SDC2: variants seen among roughly 807,000 people sequenced by gnomAD.
SDC2 encodes the protein syndecan-2.
Under a neutral mutation model 22.2 loss-of-function variants are expected in SDC2, and 13 were observed. The ratio of observed to expected loss-of-function variants is 0.59; its 90% CI spans 0.38 to 0.93. The LOEUF (loss-of-function observed/expected upper bound fraction) is 0.93, where lower values mean the gene tolerates loss of function less well. Among genes scored for constraint, SDC2 ranks in the 40% least tolerant of loss-of-function variants. The pLI, the probability that SDC2 is intolerant of heterozygous loss-of-function variation, is 0.00. For synonymous variants in SDC2, 94 were observed against 92.8 expected, an observed-to-expected ratio of 1.01 and a Z score of -0.07; for missense variants, 235 against 246.8, an observed-to-expected ratio of 0.95 and a Z score of 0.32.
At chr8:96,571,326 C>T (rs1442521745) in intron 1 of SDC2, among the ~76,000 whole-genome samples, 2 of 151,978 alleles carry the variant, frequency 1.3e-5, no homozygotes, top group African/African-American at 2.4e-5. Flanking sequence ...CTGCAAAGGC[C>T]CTGGAGTGGG....
intron 1 of SDC2, among the ~76,000 whole-genome samples, chr8:96,520,728 AGAG>A (rs549528046): frequency 2.0e-5 from 3 of 152,210 alleles, no homozygotes; most frequent in Non-Finnish European, 4.4e-5. Context: ...TGTGAGAGAA[AGAG>A]GAGGTCTGAT....
chr8:96,508,111 A>G (rs1044827331), intron 1 of SDC2, among the ~76,000 whole-genome samples: 2 of 152,170 alleles, frequency 1.3e-5, no homozygotes, highest in Admixed American at 6.5e-5. Context: ...CTTGGCTAAC[A>G]CAGTGAAACG....
intron 1 of SDC2, among the ~76,000 whole-genome samples, chr8:96,540,820 G>A (rs749146676): frequency 1.2e-4 from 19 of 152,196 alleles, no homozygotes; most frequent in Non-Finnish European, 1.5e-4. Context: ...GCTGATAAGA[G>A]CAAGGAAGTT....
At chr8:96,583,859 CTAATA>C (rs1472748447) in intron 1 of SDC2, among the ~76,000 whole-genome samples, 2 of 152,058 alleles carry the variant, frequency 1.3e-5, no homozygotes, top group African/African-American at 4.8e-5. Flanking sequence ...GTTGAGAAAA[CTAATA>C]TATCATGCAT....
At chr8:96,524,727 C>T (rs1290732416) in intron 1 of SDC2, among the ~76,000 whole-genome samples, 1 of 152,166 alleles carries the variant, frequency 6.6e-6, no homozygotes, top group African/African-American at 2.4e-5. Flanking sequence ...AGAAATCATT[C>T]CTCCTCCTTT....
At chr8:96,589,611 A>G (rs576342548) in intron 1 of SDC2, among the ~76,000 whole-genome samples, 1 of 152,280 alleles carries the variant, frequency 6.6e-6, no homozygotes, top group South Asian at 2.1e-4. Context: ...GAGTTTCACC[A>G]TGTTGGCCAG....
intron 1 of SDC2, among the ~76,000 whole-genome samples, chr8:96,496,191 G>A (rs529083569): frequency 3.4e-4 from 51 of 152,224 alleles, no homozygotes; most frequent in African/African-American, 1.2e-3. Context: ...TCTGTCTTCT[G>A]CTCCTCTGGG....
intron 1 of SDC2, among the ~76,000 whole-genome samples, chr8:96,547,015 A>G (rs970297735): frequency 1.3e-5 from 2 of 152,138 alleles, no homozygotes; most frequent in Non-Finnish European, 2.9e-5. Flanking sequence ...CTGAACTGGC[A>G]TTTTCCACTC....
At chr8:96,512,211 C>T (rs1306060257) in intron 1 of SDC2, among the ~76,000 whole-genome samples, 2 of 152,188 alleles carry the variant, frequency 1.3e-5, no homozygotes, top group African/African-American at 2.4e-5. Context: ...GTAGTCTCTA[C>T]ATGGGTGGCC....
chr8:96,596,854 C>T (rs1026356694), intron 2 of SDC2, among the ~76,000 whole-genome samples: 11 of 152,174 alleles, frequency 7.2e-5, no homozygotes, highest in African/African-American at 2.4e-4. Flanking sequence ...TGGCAGGCTT[C>T]AGAAGGCCGA....
intron 1 of SDC2, among the ~76,000 whole-genome samples, chr8:96,545,716 G>C (rs928772910): frequency 2.4e-4 from 36 of 152,210 alleles, no homozygotes; most frequent in African/African-American, 8.4e-4. Context: ...CCCCGACCCT[G>C]AAATTGCTTG....
chr8:96,562,987 C>T (rs903035448), intron 1 of SDC2, among the ~76,000 whole-genome samples: 5 of 152,116 alleles, frequency 3.3e-5, no homozygotes, highest in African/African-American at 7.2e-5. Flanking sequence ...CATTTTGACG[C>T]ACATCACCCC....
At chr8:96,576,346 T>A (rs1201740647) in intron 1 of SDC2, among the ~76,000 whole-genome samples, 2 of 138,634 alleles carry the variant, frequency 1.4e-5, no homozygotes, top group African/African-American at 5.4e-5. Flanking sequence ...ATTCTCCACA[T>A]AAGTTCAATA....
At chr8:96,532,061 GTTTTTTCA>G (rs1339240707) in intron 1 of SDC2, among the ~76,000 whole-genome samples, 1 of 152,104 alleles carries the variant, frequency 6.6e-6, no homozygotes, top group East Asian at 1.9e-4. Context: ...TTTTGCCTCT[GTTTTTTCA>G]TCTGTGAAGT....
intron 1 of SDC2, among the ~76,000 whole-genome samples, chr8:96,553,452 T>G (rs1586296135): frequency 7.2e-5 from 1 of 13,866 alleles, no homozygotes; most frequent in African/African-American, 1.2e-4. Flanking sequence ...AATTACAGGT[T>G]TTTTTTTTTT....
chr8:96,541,503 CAAA>C lies in SDC2; in HGVS notation c.60+47190_60+47192del, dbSNP rs201996850. ...GCCCGGTGACAGAGCAAGCCCATCT[CAAA>C]AAAAAAAAAAAAAAAAAGAAGGAAA... is the stretch of plus-strand genomic sequence containing the variant. On this transcript the variant is annotated intron_variant, in intron 1 of 4. Transcript: ENST00000302190. Among the ~76,000 whole-genome samples, 394 of 103,246 alleles carry C rather than the reference CAAA, an allele frequency of 3.8e-3. 3 individuals are homozygous for C. Among genetic ancestry groups the C allele is most frequent in the South Asian group, 0.014 (44 of 3,206 alleles). 67.7% of individuals were successfully genotyped at this position (103,246 alleles called of 152,430 possible).
chr8:96,543,986 T>A (rs1270900832), intron 1 of SDC2, among the ~76,000 whole-genome samples: 1 of 152,188 alleles, frequency 6.6e-6, no homozygotes, highest in Non-Finnish European at 1.5e-5. Context: ...TGTTAGTGAC[T>A]TACTCGAGAT....
intron 1 of SDC2, among the ~76,000 whole-genome samples, chr8:96,548,783 G>A (rs1344117778): frequency 2.6e-5 from 4 of 152,306 alleles, no homozygotes; most frequent in African/African-American, 4.8e-5. Context: ...AACATTGAGC[G>A]TCTGCTTTGC....
At chr8:96,523,833 C>T (rs1366917528) in intron 1 of SDC2, among the ~76,000 whole-genome samples, 1 of 151,944 alleles carries the variant, frequency 6.6e-6, no homozygotes, top group Non-Finnish European at 1.5e-5. Flanking sequence ...ATTTCTTTTC[C>T]CTTAAAATAT....
Sources: gnomAD v4.1 joint callset for allele counts (sites outside exome capture counted in the v4.1 genomes callset) on GRCh38, gnomAD v4.1.1 for gene constraint, MANE v1.5 for transcripts, NCBI Gene and HGNC (gene_info 2026-07-23, HGNC 2026-07-21) for gene names.